RNF38: variants seen among roughly 807,000 people sequenced by gnomAD.
RNF38 encodes the protein ring finger protein 38, also known as E3 ubiquitin-protein ligase RNF38.
In RNF38, 15 loss-of-function variants were observed where a neutral mutation model predicts 67.2. That is an observed-to-expected ratio of 0.22 (90% CI 0.15 to 0.34). The LOEUF (loss-of-function observed/expected upper bound fraction) is 0.34, where lower values mean the gene tolerates loss of function less well. Ranked by LOEUF, RNF38 falls within the 10% of genes least tolerant of loss-of-function variation. RNF38 has a pLI of 1.00. For missense variants in RNF38, 524 were observed against 639.9 expected, an observed-to-expected ratio of 0.82 and a Z score of 1.95; for synonymous variants, 220 against 218.8, an observed-to-expected ratio of 1.01 and a Z score of -0.05.
At chr9:36,402,409 A>G (rs1306104591), upstream of RNF38, among the ~76,000 whole-genome samples, 1 of 150,818 alleles carries the variant, frequency 6.6e-6, no homozygotes, top group Non-Finnish European at 1.5e-5. Flanking sequence ...AATGTATCCT[A>G]TTTTCTATCC....
At chr9:36,422,345 A>G (rs988186425) in intron 2 of RNF38, among the ~76,000 whole-genome samples, 20 of 152,204 alleles carry the variant, frequency 1.3e-4, no homozygotes, top group Non-Finnish European at 2.5e-4. Flanking sequence ...TGAACCTGGG[A>G]GGCAGAGGTT....
Position 36,339,421 on chromosome 9 carries a change from T to TA in RNF38, c.*330dup, listed in dbSNP as rs1326446969. 3.5e-6 allele frequency: 1 copy of TA among 283,668 alleles called. No individual in the cohort carries two copies. Among genetic ancestry groups the TA allele is most frequent in the African/African-American group, 2.1e-5 (1 of 47,050 alleles). 17.6% of individuals were successfully genotyped at this position (283,668 alleles called of 1,614,324 possible). A position where few individuals can be genotyped will look rare whatever the true frequency, so the allele number is the denominator to read the frequency against. Reference sequence around the variant, plus strand: ...TATCATCTGTAGCTACCACTTTTTATAAAAGCACATGCTAAAAGATCACGT... The same window carrying TA: ...TATCATCTGTAGCTACCACTTTTTATAAAAAGCACATGCTAAAAGATCACGT... On this transcript the variant is annotated 3_prime_UTR_variant, in exon 12 of 12. Transcript: ENST00000259605.
intron 5 of RNF38, among the ~76,000 whole-genome samples, 181 bp downstream of exon 5, chr9:36,357,594 T>C (rs1834224218): frequency 2.0e-5 from 3 of 152,354 alleles, no homozygotes; most frequent in East Asian, 1.9e-4. Flanking sequence ...GAGATTTTTA[T>C]TGCAATAAAA....
At chr9:36,369,597 C>G in intron 4 of RNF38, 122 bp downstream of exon 4, 1 of 733,448 alleles carries the variant, frequency 1.4e-6, no homozygotes, top group East Asian at 2.6e-5. Context: ...GAATGAGGAA[C>G]TTAAATAACT....
At chr9:36,415,060 T>A (rs552233310) in intron 2 of RNF38, among the ~76,000 whole-genome samples, 2 of 152,214 alleles carry the variant, frequency 1.3e-5, no homozygotes, top group Admixed American at 1.3e-4. Flanking sequence ...CAGGAGTTAT[T>A]TGAGTTTCTC....
In RNF38 at chr9:36,370,808, T is replaced by C. The variant is rs1219583137; in HGVS notation, c.357-876A>G. Among the ~76,000 whole-genome samples the C allele has an allele frequency of 3.3e-5, 5 of 151,870 alleles. No individual in the cohort carries two copies. The East Asian group carries it at 5.8e-4, about 18-fold the overall frequency. ...CTATAGTCCCAGCTACCTGGGAGGC[T>C]GAAGTGGGAGAATCACCTAAAGCCT... On this transcript the variant is annotated intron_variant, in intron 3 of 11. Coordinates refer to ENST00000259605, the MANE Select transcript of RNF38 (RefSeq NM_022781.5).
At chr9:36,372,331 A>G (rs1835448637) in intron 3 of RNF38, among the ~76,000 whole-genome samples, 1 of 152,190 alleles carries the variant, frequency 6.6e-6, no homozygotes, top group Non-Finnish European at 1.5e-5. Context: ...TACATCTCAC[A>G]TGTACTCTAA....
chr9:36,389,398 C>A (rs1298266626), intron 2 of RNF38, among the ~76,000 whole-genome samples: 1 of 151,258 alleles, frequency 6.6e-6, no homozygotes, highest in East Asian at 1.9e-4. Context: ...GTATTAAGTC[C>A]ATTTCTTCCA....
chr9:36,380,498 C>T lies in RNF38; in HGVS notation c.163-4371G>A, dbSNP rs192305597. 2.4e-3 allele frequency among the ~76,000 whole-genome samples: 363 copies of T among 149,000 alleles called. 3 individuals carry two copies. The highest frequency in any genetic ancestry group is 8.4e-3 in the African/African-American group (343 of 41,020). On this transcript the variant is annotated intron_variant, in intron 2 of 11. Coordinates refer to ENST00000259605, the MANE Select transcript of RNF38 (RefSeq NM_022781.5). Reference sequence around the variant, plus strand: ...TACAGGCGTGAGCCACTGCGCCCGGCCTGTTTTTTTTTTAAAGACAGTCTC... The same window carrying T: ...TACAGGCGTGAGCCACTGCGCCCGGTCTGTTTTTTTTTTAAAGACAGTCTC...
At position 36,339,829 on chromosome 9, in the gene RNF38, G is replaced by A; in HGVS notation, c.1486-15C>T. On this transcript the variant is annotated splice_polypyrimidine_tract_variant and intron_variant, in intron 11 of 11. Coordinates refer to ENST00000259605, the MANE Select transcript of RNF38 (RefSeq NM_022781.5). ...GTACGATTTGCCTACAAAACAAAAA[G>A]GAAAACTTGTTTAAATTGTGACACA... 1 of 1,606,004 alleles carries A rather than the reference G, an allele frequency of 6.2e-7. No homozygotes were observed. The highest frequency in any genetic ancestry group is 8.5e-7 in the Non-Finnish European group (1 of 1,174,528).
chr9:36,347,936 C>T (rs1361249261), intron 9 of RNF38, among the ~76,000 whole-genome samples: 1 of 152,022 alleles, frequency 6.6e-6, no homozygotes, highest in Non-Finnish European at 1.5e-5. Context: ...ATGAGCCGGT[C>T]ATGGTGGCGG....
At chr9:36,455,951 T>C (rs1839584601) in intron 1 of RNF38, among the ~76,000 whole-genome samples, 1 of 151,818 alleles carries the variant, frequency 6.6e-6, no homozygotes, top group Non-Finnish European at 1.5e-5. Context: ...ACTTAATTCA[T>C]TTTTTCTTTC....
chr9:36,456,247 G>A (rs1007806603), intron 1 of RNF38, among the ~76,000 whole-genome samples: 5 of 152,042 alleles, frequency 3.3e-5, no homozygotes, highest in African/African-American at 7.2e-5. Context: ...TAGTAGAAAC[G>A]GGTTTCACCA....
intron 1 of RNF38, among the ~76,000 whole-genome samples, chr9:36,395,494 T>C (rs1191841968): frequency 6.6e-6 from 1 of 152,146 alleles, no homozygotes; most frequent in African/African-American, 2.4e-5. Flanking sequence ...CAGCCTAATA[T>C]AAAAGACGAA....
intron 2 of RNF38, among the ~76,000 whole-genome samples, chr9:36,378,753 T>C (rs1418512135): frequency 6.6e-6 from 1 of 152,144 alleles, no homozygotes; most frequent in Non-Finnish European, 1.5e-5. Flanking sequence ...TTACAAGACA[T>C]GCAAAGCTTT....
Position 36,391,681 on chromosome 9 carries a change from C to G in RNF38, c.13-1065G>C, listed in dbSNP as rs534112488. 2.7e-5 allele frequency among the ~76,000 whole-genome samples: 4 copies of G among 147,988 alleles called. No homozygotes were observed. The East Asian group carries it at 5.9e-4, about 22-fold the overall frequency. ...AGGCTGGAGTGCAGTGGTGCCATCT[C>G]GGCTCACTGCAGGCTCCACCCACTG... On this transcript the variant is annotated intron_variant, in intron 1 of 11. Coordinates refer to ENST00000259605, the MANE Select transcript of RNF38 (RefSeq NM_022781.5).
intron 1 of RNF38, among the ~76,000 whole-genome samples, chr9:36,483,294 G>A (rs1840323319): frequency 1.1e-4 from 16 of 152,144 alleles, no homozygotes; most frequent in Admixed American, 1.0e-3. Context: ...GCTGAGGCAG[G>A]AGAATCGCTT....
upstream of RNF38, among the ~76,000 whole-genome samples, chr9:36,404,518 T>A (rs1299800393): frequency 6.6e-6 from 1 of 152,176 alleles, no homozygotes; most frequent in East Asian, 1.9e-4. Flanking sequence ...TAGAAATGAG[T>A]TAAGGAATAT....
intron 2 of RNF38, among the ~76,000 whole-genome samples, chr9:36,409,342 A>G (rs911234486): frequency 1.6e-4 from 24 of 151,204 alleles, no homozygotes; most frequent in Non-Finnish European, 3.6e-4. Flanking sequence ...AGAAAGAAAG[A>G]AAGAAAAAAA....
Sources: gnomAD v4.1 joint callset for allele counts (sites outside exome capture counted in the v4.1 genomes callset) on GRCh38, gnomAD v4.1.1 for gene constraint, MANE v1.5 for transcripts, NCBI Gene and HGNC (gene_info 2026-07-23, HGNC 2026-07-21) for gene names.